LYST: variants seen among roughly 807,000 people sequenced by gnomAD.
The protein encoded by LYST is lysosomal-trafficking regulator.
Under a neutral mutation model 413.6 loss-of-function variants are expected in LYST, and 192 were observed. The ratio of observed to expected loss-of-function variants is 0.46; its 90% CI spans 0.41 to 0.52. The LOEUF (loss-of-function observed/expected upper bound fraction) is 0.52. LYST is among the 20% of genes least tolerant of loss of function. The pLI, the probability that LYST is intolerant of heterozygous loss-of-function variation, is 0.00. For missense variants in LYST, 3,815 were observed against 4,499.9 expected, an observed-to-expected ratio of 0.85 and a Z score of 4.35; for synonymous variants, 1,525 against 1,567.3, an observed-to-expected ratio of 0.97 and a Z score of 0.64.
chr1:235,663,190 A>G (rs1486181725), intron 52 of LYST, 112 bp from the exon 53 acceptor site: 7 of 754,554 alleles, frequency 9.3e-6, no homozygotes, highest in Non-Finnish European at 1.6e-5. Context: ...TGGCGCAGAG[A>G]GACATAAACT....
rs532692084 is a variant in LYST at position 235,757,354 on chromosome 1, T to C, written c.6986A>G (p.Lys2329Arg). 5 of 1,613,522 alleles carry C rather than the reference T, an allele frequency of 3.1e-6. No individual in the cohort carries two copies. The highest frequency in any genetic ancestry group is 2.2e-5 in the South Asian group (2 of 91,062). ...PDVLLEDVMD[K>R]LIQADTLLVL... The stretch of plus-strand genomic sequence containing the variant: ...CAAAAGTGTATCTGCTTGAATAAGC[T>C]TGTCCATCACATCTTCAAGCAAAAC... Residue 2329 changes from lysine to arginine, a missense_variant, in exon 24 of 53, where the codon AAG (lysine) becomes AGG (arginine). Coordinates refer to ENST00000389793, the MANE Select transcript of LYST (RefSeq NM_000081.4).
intron 1 of LYST, among the ~76,000 whole-genome samples, chr1:235,863,421 T>C (rs1680136705): frequency 6.6e-6 from 1 of 150,838 alleles, no homozygotes; most frequent in Non-Finnish European, 1.5e-5. Context: ...AGGCGAAAGA[T>C]TTATACAATT....
At chr1:235,816,336 G>A (rs1341608467) in intron 3 of LYST, among the ~76,000 whole-genome samples, 2 of 147,300 alleles carry the variant, frequency 1.4e-5, no homozygotes, top group Non-Finnish European at 3.0e-5. Flanking sequence ...AGCTACTCGG[G>A]AGCTGAGGCA....
At chr1:235,744,848 T>A (rs1369109965) in intron 29 of LYST, among the ~76,000 whole-genome samples, 1 of 145,596 alleles carries the variant, frequency 6.9e-6, no homozygotes, top group Non-Finnish European at 1.5e-5. Context: ...TGCAGTGAGC[T>A]GAGATCATAC....
At chr1:235,663,785 G>A (rs964925329) in intron 52 of LYST, among the ~76,000 whole-genome samples, 199 bp downstream of exon 52, 1 of 152,154 alleles carries the variant, frequency 6.6e-6, no homozygotes, top group Non-Finnish European at 1.5e-5. Flanking sequence ...TCACTGACTC[G>A]GATTTTAAGC....
intron 1 of LYST, among the ~76,000 whole-genome samples, 161 bp downstream of exon 1, chr1:235,866,682 G>A (rs1352839983): frequency 6.7e-6 from 1 of 149,886 alleles, no homozygotes; most frequent in Non-Finnish European, 1.5e-5. Context: ...GGCGCGTCAG[G>A]CCGAGTGCCC....
intron 24 of LYST, among the ~76,000 whole-genome samples, chr1:235,756,257 T>C (rs1667042093): frequency 6.6e-6 from 1 of 152,132 alleles, no homozygotes; most frequent in South Asian, 2.1e-4. Context: ...GACACACATC[T>C]ATTTATTCCC....
chr1:235,840,098 T>C (rs964662806), intron 1 of LYST: 1 of 152,162 alleles, frequency 6.6e-6, no homozygotes, highest in Non-Finnish European at 1.5e-5. Context: ...CCAGCTATCA[T>C]TTACAAAACA....
At chr1:235,729,527 A>C (rs1221307247) in intron 37 of LYST, 69 bp downstream of exon 37, 2 of 1,058,576 alleles carry the variant, frequency 1.9e-6, no homozygotes, top group Non-Finnish European at 3.0e-6. Flanking sequence ...GTCAAAAAAC[A>C]CTTTAAATAA....
In LYST at chr1:235,774,908, C is replaced by T. The variant is rs1669074953; in HGVS notation, c.5634+5G>A. On this transcript the variant is annotated splice_donor_5th_base_variant and intron_variant, in intron 18 of 52. Transcript: ENST00000389793. ...ACTATAAGAATAAATTTTATGAAGA[C>T]ATACCTTCAAAATGTAAAACCCAAC... 6.3e-7 allele frequency: 1 copy of T among 1,587,666 alleles called. No individual in the cohort carries two copies. The highest frequency in any genetic ancestry group is 1.3e-5 in the African/African-American group (1 of 74,472).
At chr1:235,688,282 TA>T (rs1056920135) in intron 47 of LYST, among the ~76,000 whole-genome samples, 1 of 152,234 alleles carries the variant, frequency 6.6e-6, no homozygotes, top group Non-Finnish European at 1.5e-5. Flanking sequence ...TTCATCATTC[TA>T]AAAATTATTT....
intron 14 of LYST, among the ~76,000 whole-genome samples, chr1:235,785,076 G>A (rs542845867): frequency 6.6e-6 from 1 of 152,190 alleles, no homozygotes; most frequent in African/African-American, 2.4e-5. Context: ...ATTGAGGCTG[G>A]ACAGCTGTAA....
chr1:235,827,761 A>G (rs192245554), intron 3 of LYST: 1 of 942,676 alleles, frequency 1.1e-6, no homozygotes, highest in East Asian at 1.2e-4. Context: ...CAGGAAAAAA[A>G]TATTTAACTT....
chr1:235,681,840 ATCTT>A (rs1431227412), intron 48 of LYST, among the ~76,000 whole-genome samples: 1 of 150,548 alleles, frequency 6.6e-6, no homozygotes, highest in Non-Finnish European at 1.5e-5. Context: ...TTTTTTCTTT[ATCTT>A]TCTATTTTAT....
In LYST at chr1:235,727,192, G is replaced by A. The variant is rs1443514059; in HGVS notation, c.9162+884C>T. ...GGCTGGAGTGCAGTGGTGTGATCTC[G>A]GCTCACTGTAACCTCCGCCTCCTGG... On this transcript the variant is annotated intron_variant, in intron 38 of 52. Transcript: ENST00000389793. Among the ~76,000 whole-genome samples, 3 of 145,094 alleles carry A rather than the reference G, an allele frequency of 2.1e-5. No individual in the cohort carries two copies. The Admixed American group carries it at 2.1e-4, about 10-fold the overall frequency.
At chr1:235,737,916 A>AAGACATGAGT in intron 31 of LYST, 1 of 1,163,406 alleles carries the variant, frequency 8.6e-7, no homozygotes, top group Non-Finnish European at 1.1e-6. Flanking sequence ...GCTGCCGACG[A>AAGACATGAGT]GTCTGGATCT....
At chr1:235,862,629 C>T (rs1192650392) in intron 1 of LYST, among the ~76,000 whole-genome samples, 2 of 152,108 alleles carry the variant, frequency 1.3e-5, no homozygotes. Flanking sequence ...AACCCCATGT[C>T]TACTAAAATT....
chr1:235,752,373 C>T (rs1666585549), intron 26 of LYST, among the ~76,000 whole-genome samples: 1 of 152,098 alleles, frequency 6.6e-6, no homozygotes, highest in Non-Finnish European at 1.5e-5. Flanking sequence ...ATAAGATACA[C>T]TTTGACACCT....
At chr1:235,719,095 C>T (rs1476116860) in intron 40 of LYST, among the ~76,000 whole-genome samples, 3 of 152,062 alleles carry the variant, frequency 2.0e-5, no homozygotes, top group Non-Finnish European at 2.9e-5. Flanking sequence ...CTCGGCTCAT[C>T]GCAACCTCCC....
Sources: allele counts gnomAD v4.1 joint callset (sites outside exome capture counted in the v4.1 genomes callset), GRCh38; gene constraint gnomAD v4.1.1; transcripts MANE v1.5; gene names NCBI Gene and HGNC (gene_info 2026-07-23, HGNC 2026-07-21).